DHCR7: variants seen among roughly 807,000 people sequenced by gnomAD.
The protein encoded by DHCR7 is 7-DHC reductase.
Under a neutral mutation model 43.3 loss-of-function variants are expected in DHCR7, and 40 were observed. That is an observed-to-expected ratio of 0.92 (90% CI 0.72 to 1.20). The LOEUF (loss-of-function observed/expected upper bound fraction) is 1.20. Among genes scored for constraint, DHCR7 ranks in the 50% most tolerant of loss-of-function variants. The pLI, the probability that DHCR7 is intolerant of heterozygous loss-of-function variation, is 0.00. For missense variants in DHCR7, 608 were observed against 644.6 expected, an observed-to-expected ratio of 0.94 and a Z score of 0.62; for synonymous variants, 298 against 271.4, an observed-to-expected ratio of 1.10 and a Z score of -0.96.
chr11:71,447,313 C>G lies in DHCR7; in HGVS notation c.-7+297G>C, dbSNP rs61084539. On this transcript the variant is annotated intron_variant, in intron 2 of 8. Coordinates refer to ENST00000355527, the MANE Select transcript of DHCR7 (RefSeq NM_001360.3). Reference sequence around the variant, plus strand: ...GAAAAAGCCACTGGGAGAATGTTGTCAAAAGGGATTAAAACAAGACCAAAG... The same window carrying G: ...GAAAAAGCCACTGGGAGAATGTTGTGAAAAGGGATTAAAACAAGACCAAAG... 8.7e-4 allele frequency among the ~76,000 whole-genome samples: 132 copies of G among 152,318 alleles called. 3 individuals carry two copies. The East Asian group carries it at 0.019, about 22-fold the overall frequency.
intron 8 of DHCR7, among the ~76,000 whole-genome samples, chr11:71,436,439 C>T (rs1479383339): frequency 2.0e-5 from 3 of 152,160 alleles, no homozygotes; most frequent in Admixed American, 1.3e-4. Context: ...CCAAGGCGGG[C>T]GGATCACGAG....
At chr11:71,444,398 C>T (rs777320773) in intron 3 of DHCR7, 183 bp from the exon 4 acceptor site, 96 of 629,288 alleles carry the variant, frequency 1.5e-4, no homozygotes, top group Middle Eastern at 4.2e-4. Context: ...GCCTGCTCTA[C>T]TGTAGTTGAT....
At chr11:71,438,036 G>T in intron 7 of DHCR7, 93 bp from the exon 8 acceptor site, 2 of 1,487,904 alleles carry the variant, frequency 1.3e-6, no homozygotes, top group Middle Eastern at 1.8e-4. Flanking sequence ...TGCAGCAGGG[G>T]GTGCTCGGGA....
chr11:71,439,049 T>C lies in DHCR7; in HGVS notation c.661A>G (p.Met221Val), dbSNP rs756795175. 6.2e-7 allele frequency: 1 copy of C among 1,614,072 alleles called. No homozygotes were observed. Among genetic ancestry groups the C allele is most frequent in the South Asian group, 1.1e-5 (1 of 91,088 alleles). ...FTGNFFYNYMMGIEFNPRIGK... is the reference protein window; with the variant it reads ...FTGNFFYNYMVGIEFNPRIGK... ...ATCCGAGGGTTAAACTCGATGCCCA[T>C]CATGTAGTTGTAAAAGAAATTGCCT... The change falls in exon 7 of 9, where the codon ATG (methionine) becomes GTG (valine). Residue 221 changes from methionine (M) to valine (V), a missense_variant. Coordinates refer to ENST00000355527, the MANE Select transcript of DHCR7 (RefSeq NM_001360.3).
chr11:71,431,320 A>T (rs930282115), downstream of DHCR7, among the ~76,000 whole-genome samples: 1 of 152,226 alleles, frequency 6.6e-6, no homozygotes. Context: ...GTCCAGTCCA[A>T]GGATAGCTTG....
At position 71,435,576 on chromosome 11, in the gene DHCR7, G is replaced by A. The variant is rs1012396683; in HGVS notation, c.1227C>T (p.Val409=). 23 of 1,610,872 alleles carry A rather than the reference G, an allele frequency of 1.4e-5. No homozygotes were observed. The highest frequency in any genetic ancestry group is 2.2e-5 in the South Asian group (2 of 91,064). Residue 409 remains valine (V), a synonymous_variant, in exon 9 of 9, where the codon GTC becomes GTT. Transcript: ENST00000355527. ...AGGCCAGGCTGCCCATCAGGTCGCCGACGTAGTTGAAGTGGCGGGCCACGC... is the reference window on the plus strand; with the variant it reads ...AGGCCAGGCTGCCCATCAGGTCGCCAACGTAGTTGAAGTGGCGGGCCACGC... The part of the protein sequence containing the change: ...FWGVARHFNY[V]GDLMGSLAYC...
In DHCR7 at chr11:71,435,094, A is replaced by C; in HGVS notation, c.*281T>G. The C allele has an allele frequency of 1.6e-6, 1 of 628,608 alleles. No individual in the cohort carries two copies. 38.9% of individuals were successfully genotyped at this position (628,608 alleles called of 1,614,324 possible). The stretch of plus-strand genomic sequence containing the variant: ...ACAGGTAAATTGTCTCCAAAGGACT[A>C]GTAAAGGTGACTGGGTCATCCTCCT... On this transcript the variant is annotated 3_prime_UTR_variant, in exon 9 of 9. Coordinates refer to ENST00000355527, the MANE Select transcript of DHCR7 (RefSeq NM_001360.3).
chr11:71,437,169 G>A (rs938717213), intron 8 of DHCR7, among the ~76,000 whole-genome samples: 3 of 152,156 alleles, frequency 2.0e-5, no homozygotes, highest in African/African-American at 4.8e-5. Context: ...AGGTGATGCC[G>A]GGCCTGTCAC....
chr11:71,442,656 T>C (rs1221442318), intron 4 of DHCR7, among the ~76,000 whole-genome samples: 1 of 152,110 alleles, frequency 6.6e-6, no homozygotes, highest in Non-Finnish European at 1.5e-5. Context: ...TTTTTATATA[T>C]ATATATAAAT....
At chr11:71,444,244 T>C in intron 3 of DHCR7, 29 bp from the exon 4 acceptor site, 1 of 1,546,844 alleles carries the variant, frequency 6.5e-7, no homozygotes, top group East Asian at 2.4e-5. Context: ...GCAGTCACAC[T>C]GGGGCCCATC....
chr11:71,442,866 A>T (rs950712912), intron 4 of DHCR7, among the ~76,000 whole-genome samples: 1 of 152,162 alleles, frequency 6.6e-6, no homozygotes, highest in Non-Finnish European at 1.5e-5. Flanking sequence ...CATTTAGCGC[A>T]TTTACATGGT....
Position 71,435,718 on chromosome 11 carries a change from CG to C in DHCR7, c.1084del (p.Arg362AlafsTer51). 6.2e-7 allele frequency: 1 copy of C among 1,612,866 alleles called. No homozygotes were observed. The highest frequency in any genetic ancestry group is 8.5e-7 in the Non-Finnish European group (1 of 1,179,688). On this transcript the variant is annotated frameshift_variant, in exon 9 of 9. Coordinates refer to ENST00000355527, the MANE Select transcript of DHCR7 (RefSeq NM_001360.3). LOFTEE classifies it high-confidence loss of function. ...RVANHQKDLF[R>X]RTDGRCLIWG... The stretch of plus-strand genomic sequence containing the variant: ...GATGAGGCAGCGCCCATCCGTGCGG[CG>C]GAACAGGTCCTTCTGGTGGTTGGCC...
chr11:71,443,003 T>C (rs1357899741), intron 4 of DHCR7, among the ~76,000 whole-genome samples: 1 of 152,210 alleles, frequency 6.6e-6, no homozygotes, highest in East Asian at 1.9e-4. Context: ...GCTTTCTGCC[T>C]CTGTGGATTT....
chr11:71,432,955 C>T (rs183077764), downstream of DHCR7, among the ~76,000 whole-genome samples: 2 of 152,352 alleles, frequency 1.3e-5, no homozygotes, highest in East Asian at 1.9e-4. Context: ...GGCCTCACCT[C>T]GCTTTCGAAG....
At chr11:71,444,638 T>A (rs1340601166) in intron 3 of DHCR7, among the ~76,000 whole-genome samples, 1 of 152,232 alleles carries the variant, frequency 6.6e-6, no homozygotes, top group Non-Finnish European at 1.5e-5. Context: ...CTTTATCTTT[T>A]TTTCTAAGTT....
chr11:71,441,186 G>A (rs761256633), intron 6 of DHCR7, 41 bp downstream of exon 6: 1 of 1,594,860 alleles, frequency 6.3e-7, no homozygotes, highest in Non-Finnish European at 8.6e-7. Context: ...GGTGAAGTTT[G>A]CACTTTCTAC....
rs1949354829 is a variant in DHCR7, at chr11:71,442,198, G to A, written c.412+65C>T. 5 of 1,218,678 alleles carry A rather than the reference G, an allele frequency of 4.1e-6. No individual in the cohort carries two copies. The Admixed American group carries it at 9.4e-5, about 23-fold the overall frequency. 75.5% of individuals were successfully genotyped at this position (1,218,678 alleles called of 1,614,324 possible). A position where few individuals can be genotyped will look rare whatever the true frequency, so the allele number is the denominator to read the frequency against. On this transcript the variant is annotated intron_variant, in intron 5 of 8. Coordinates refer to ENST00000355527, the MANE Select transcript of DHCR7 (RefSeq NM_001360.3). ...CTTAGGGACAAAGCAGCGCTGGGGA[G>A]GACTGGCCCCTGAGAGAAAGGGATG...
chr11:71,436,301 T>G (rs903158842), intron 8 of DHCR7, among the ~76,000 whole-genome samples: 1 of 152,134 alleles, frequency 6.6e-6, no homozygotes, highest in Non-Finnish European at 1.5e-5. Context: ...GGGGTGGGCC[T>G]CATCCAATCA....
At chr11:71,429,697 T>A (rs1482761420), downstream of DHCR7, among the ~76,000 whole-genome samples, 1 of 152,170 alleles carries the variant, frequency 6.6e-6, no homozygotes, top group Non-Finnish European at 1.5e-5. Context: ...TGTGGACTCA[T>A]GAGCGGCGTT....
Sources: gnomAD v4.1 joint callset for allele counts (sites outside exome capture counted in the v4.1 genomes callset) on GRCh38, gnomAD v4.1.1 for gene constraint, MANE v1.5 for transcripts, NCBI Gene and HGNC (gene_info 2026-07-23, HGNC 2026-07-21) for gene names.